ANK3: variants seen among roughly 807,000 people sequenced by gnomAD.
The protein encoded by ANK3 is ankyrin 3.
A neutral mutation model predicts 370.9 loss-of-function variants in ANK3; 57 were observed. The observed-to-expected ratio is 0.15, with a 90% CI of 0.12 to 0.19. The LOEUF is 0.19. Among genes scored for constraint, ANK3 ranks in the 10% least tolerant of loss-of-function variants. ANK3 has a pLI of 1.00. For synonymous variants in ANK3, 1,929 were observed against 1,946.3 expected (o/e 0.99, Z 0.23); for missense variants, 4,439 against 5,302.1 (o/e 0.84, Z 5.06).
chr10:60,131,005 C>G (rs1008555808), intron 25 of ANK3, among the ~76,000 whole-genome samples: 1 of 152,196 alleles, frequency 6.6e-6, no homozygotes, highest in Non-Finnish European at 1.5e-5. Context: ...TTTGCTTTAA[C>G]TTTATCCACA....
chr10:60,094,181 ATTTTTTTTTTT>A (rs1169437967), intron 28 of ANK3, among the ~76,000 whole-genome samples: 20 of 116,384 alleles, frequency 1.7e-4, no homozygotes, highest in Admixed American at 5.8e-4. Context: ...ACAGTATTCT[ATTTTTTTTTTT>A]TTTTTTTTTT....
intron 25 of ANK3, among the ~76,000 whole-genome samples, chr10:60,120,253 T>C (rs1371836868): frequency 6.6e-6 from 1 of 152,058 alleles, no homozygotes; most frequent in African/African-American, 2.4e-5. Flanking sequence ...GAAAATCAGA[T>C]AGCCATATGC....
intron 1 of ANK3, among the ~76,000 whole-genome samples, chr10:60,661,219 T>C (rs1204761465): frequency 6.6e-6 from 1 of 151,820 alleles, no homozygotes; most frequent in Non-Finnish European, 1.5e-5. Context: ...GGTTACAGTT[T>C]TATGTATACT....
chr10:60,408,814 TC>T (rs2132923132), intron 2 of ANK3, among the ~76,000 whole-genome samples: 1 of 152,332 alleles, frequency 6.6e-6, no homozygotes, highest in East Asian at 1.9e-4. Context: ...GTTTTGGCTT[TC>T]TTTTCCTCTT....
At chr10:60,142,542 T>C (rs1489422789) in intron 23 of ANK3, among the ~76,000 whole-genome samples, 1 of 151,644 alleles carries the variant, frequency 6.6e-6, no homozygotes, top group Non-Finnish European at 1.5e-5. Context: ...TAAATCTACA[T>C]GTCATGGCAA....
intron 1 of ANK3, among the ~76,000 whole-genome samples, chr10:60,386,930 C>T (rs1238896777): frequency 6.6e-6 from 1 of 152,116 alleles, no homozygotes; most frequent in African/African-American, 2.4e-5. Context: ...GAGGCCTAGG[C>T]GGGTGGATCA....
intron 1 of ANK3, among the ~76,000 whole-genome samples, chr10:60,728,019 T>C (rs1417563423): frequency 2.0e-5 from 3 of 152,224 alleles, no homozygotes; most frequent in African/African-American, 7.2e-5. Context: ...ACCAATTCTG[T>C]GCTTCTCTTT....
chr10:60,483,968 A>G (rs2075288498), intron 2 of ANK3, among the ~76,000 whole-genome samples: 1 of 152,248 alleles, frequency 6.6e-6, no homozygotes, highest in South Asian at 2.1e-4. Flanking sequence ...TAACATTGTT[A>G]GAGAACAAAG....
chr10:60,204,433 T>C (rs975747716), intron 11 of ANK3, among the ~76,000 whole-genome samples: 2 of 152,194 alleles, frequency 1.3e-5, no homozygotes, highest in Admixed American at 1.3e-4. Flanking sequence ...TATTTTATAC[T>C]TAAAAATAAC....
At chr10:60,223,942 C>T (rs2097100002) in intron 8 of ANK3, among the ~76,000 whole-genome samples, 2 of 145,208 alleles carry the variant, frequency 1.4e-5, no homozygotes, top group Admixed American at 6.9e-5. Context: ...TAGAGCCACG[C>T]TTTTTTTTTT....
rs1204510238 is a variant in ANK3 at position 60,300,290 on chromosome 10, C to T, written c.115-20651G>A. ...AAACAGAACTTCTATAAGGAAAGTACATTTCATTTAGGAGCTGTAAATGCT... is the reference window on the plus strand; with the variant it reads ...AAACAGAACTTCTATAAGGAAAGTATATTTCATTTAGGAGCTGTAAATGCT... On this transcript the variant is annotated intron_variant, in intron 1 of 43. Coordinates refer to ENST00000280772, the MANE Select transcript of ANK3 (RefSeq NM_020987.5). 14 of 1,198,730 alleles carry T rather than the reference C, an allele frequency of 1.2e-5. No individual in the cohort carries two copies. The South Asian group carries it at 1.6e-4, about 14-fold the overall frequency. The allele number at this position is 1,198,730 out of a possible 1,614,324, so 74.3% of individuals were successfully genotyped here. A position where few individuals can be genotyped will look rare whatever the true frequency, so the allele number is the denominator to read the frequency against.
At chr10:60,686,237 A>G (rs2079266349) in intron 1 of ANK3, among the ~76,000 whole-genome samples, 1 of 152,198 alleles carries the variant, frequency 6.6e-6, no homozygotes, top group African/African-American at 2.4e-5. Context: ...GAATATAATT[A>G]GGCATTTTAT....
At chr10:60,551,985 T>C (rs2077098309) in intron 2 of ANK3, among the ~76,000 whole-genome samples, 1 of 152,162 alleles carries the variant, frequency 6.6e-6, no homozygotes, top group African/African-American at 2.4e-5. Flanking sequence ...TCCAACCTAC[T>C]ATCTGAAAAT....
At chr10:60,574,734 T>C (rs1366206055) in intron 2 of ANK3, among the ~76,000 whole-genome samples, 2 of 152,180 alleles carry the variant, frequency 1.3e-5, no homozygotes, top group African/African-American at 4.8e-5. Context: ...GTAGGTGCTT[T>C]ATACAAATTC....
At chr10:60,641,529 G>A (rs1316289009) in intron 1 of ANK3, among the ~76,000 whole-genome samples, 1 of 151,294 alleles carries the variant, frequency 6.6e-6, no homozygotes, top group Non-Finnish European at 1.5e-5. Context: ...AAGCAATGGG[G>A]AAAGGATTCC....
chr10:60,248,281 A>G (rs2097585720), intron 7 of ANK3, among the ~76,000 whole-genome samples: 1 of 152,224 alleles, frequency 6.6e-6, no homozygotes. Flanking sequence ...ATGAATTCAC[A>G]TTCCCATCAA....
intron 1 of ANK3, among the ~76,000 whole-genome samples, chr10:60,368,497 AC>A (rs2059694040): frequency 1.3e-5 from 2 of 152,096 alleles, no homozygotes; most frequent in South Asian, 4.1e-4. Flanking sequence ...GTTCTTACTA[AC>A]TTTACATGTA....
rs2096620840 is a variant in ANK3, at chr10:60,198,420, G to T, written c.1609C>A (p.His537Asn). 6.2e-7 allele frequency: 1 copy of T among 1,614,122 alleles called. No individual in the cohort carries two copies. The highest frequency in any genetic ancestry group is 8.5e-7 in the Non-Finnish European group (1 of 1,180,054). ...AATTSGYTPLHLSAREGHEDV... is the reference protein window; with the variant it reads ...AATTSGYTPLNLSAREGHEDV... The stretch of plus-strand genomic sequence containing the variant: ...TCATGCCCCTCTCGGGCGGAAAGGT[G>T]AAGTGGGGTGTACCCAGAAGTTGTG... Residue 537 changes from histidine to asparagine, a missense_variant, in exon 14 of 44, where the codon CAC (histidine) becomes AAC (asparagine). Physicochemically the swap from His to Asn is moderately conservative, Grantham distance 68. Coordinates refer to ENST00000280772, the MANE Select transcript of ANK3 (RefSeq NM_020987.5).
chr10:60,447,248 G>A (rs2064472466), intron 2 of ANK3, among the ~76,000 whole-genome samples: 1 of 152,134 alleles, frequency 6.6e-6, no homozygotes, highest in Non-Finnish European at 1.5e-5. Flanking sequence ...TCATTTTCAA[G>A]CATTCTAAAA....
Sources: allele counts gnomAD v4.1 joint callset (sites outside exome capture counted in the v4.1 genomes callset), GRCh38; gene constraint gnomAD v4.1.1; transcripts MANE v1.5; gene names NCBI Gene and HGNC (gene_info 2026-07-23, HGNC 2026-07-21).